The following PDE4DIP variants were observed in gnomAD, a reference collection of about 807,000 sequenced individuals.
PDE4DIP encodes the protein myomegalin.
Under a neutral mutation model 221.4 loss-of-function variants are expected in PDE4DIP, and 59 were observed. The ratio of observed to expected loss-of-function variants is 0.27; its 90% CI spans 0.22 to 0.33. PDE4DIP has a LOEUF of 0.33. Ranked by LOEUF, PDE4DIP falls within the 10% of genes least tolerant of loss-of-function variation. The probability of loss-of-function intolerance (pLI) is 1.00; values close to 1 mark genes in which losing one functional copy is unlikely to be tolerated. For missense variants in PDE4DIP, 1,036 were observed against 2,154.2 expected (o/e 0.48, Z 10.28); for synonymous variants, 404 against 815.9 (o/e 0.50, Z 8.60).
chr1:148,999,760 T>G (rs2065179778), intron 23 of PDE4DIP, among the ~76,000 whole-genome samples: 1 of 152,160 alleles, frequency 6.6e-6, no homozygotes, highest in African/African-American at 2.4e-5. Flanking sequence ...GCTATCCCTG[T>G]GGATTATTTT....
At chr1:148,960,151 T>A in intron 5 of PDE4DIP, among the ~76,000 whole-genome samples, 1 of 152,310 alleles carries the variant, frequency 6.6e-6, no homozygotes, top group Non-Finnish European at 1.5e-5. Flanking sequence ...AATTAGACAT[T>A]GATAAAATAC....
intron 1 of PDE4DIP, among the ~76,000 whole-genome samples, chr1:148,920,210 G>A (rs587676545): frequency 3.0e-3 from 438 of 144,618 alleles, no homozygotes; most frequent in South Asian, 0.011. Context: ...TTCGCTCACC[G>A]AAACCTCCGC....
intron 21 of PDE4DIP, chr1:148,984,281 A>C (rs587736528): frequency 6.6e-6 from 1 of 152,102 alleles, no homozygotes; most frequent in South Asian, 2.1e-4. Flanking sequence ...CTCTTCATTC[A>C]GTTGTGGACA....
rs1419668625 is a variant in PDE4DIP, at chr1:148,968,771, G to A, written c.1786-65G>A. On this transcript the variant is annotated intron_variant, in intron 13 of 43. Transcript: ENST00000369354. Reference sequence around the variant, plus strand: ...CTTCTTCTATGATAGATTCTTATAAGCCCTTTGATATTTAGCAGAGGCATT... The same window carrying A: ...CTTCTTCTATGATAGATTCTTATAAACCCTTTGATATTTAGCAGAGGCATT... The A allele has an allele frequency of 5.0e-6, 4 of 794,760 alleles. No homozygotes were observed. In the African/African-American group the frequency reaches 6.9e-5, roughly 14 times the overall value. The allele number at this position is 794,760 out of a possible 1,614,324, so 49.2% of individuals were successfully genotyped here. A position where few individuals can be genotyped will look rare whatever the true frequency, so the allele number is the denominator to read the frequency against.
chr1:149,031,127 CT>C, intron 43 of PDE4DIP: 1 of 405,574 alleles, frequency 2.5e-6, no homozygotes, highest in Admixed American at 6.5e-5. Flanking sequence ...CACTAATTCC[CT>C]TTTGTTTTTC....
chr1:148,857,359 CT>C (rs386368251), intron 1 of PDE4DIP, among the ~76,000 whole-genome samples: 29 of 52,514 alleles, frequency 5.5e-4, no homozygotes, highest in South Asian at 8.2e-4. Flanking sequence ...TAGCCCCTTT[CT>C]TTTTTTTTTT....
chr1:148,975,461 G>A (rs868936055), intron 17 of PDE4DIP, among the ~76,000 whole-genome samples: 40 of 150,604 alleles, frequency 2.7e-4, no homozygotes, highest in Middle Eastern at 6.8e-3. Context: ...TGGGAGTGGA[G>A]AATAGTCATG....
intron 40 of PDE4DIP, among the ~76,000 whole-genome samples, chr1:149,028,200 GAC>G (rs1180132938): frequency 1.3e-5 from 2 of 151,522 alleles, no homozygotes; most frequent in Non-Finnish European, 2.9e-5. Context: ...TAGAGGGCAA[GAC>G]ACACACCCAA....
At chr1:148,998,637 G>A (rs1271776588) in intron 23 of PDE4DIP, among the ~76,000 whole-genome samples, 2 of 148,982 alleles carry the variant, frequency 1.3e-5, no homozygotes, top group Non-Finnish European at 3.0e-5. Flanking sequence ...GACCAGTATT[G>A]CTGTTTTTAA....
At chr1:148,914,596 CAG>C (rs1553456765) in intron 1 of PDE4DIP, among the ~76,000 whole-genome samples, 1 of 146,578 alleles carries the variant, frequency 6.8e-6, no homozygotes. Context: ...CACTGCACTC[CAG>C]CCTGGGCAAC....
At chr1:148,887,077 G>A (rs1553431476), upstream of PDE4DIP, among the ~76,000 whole-genome samples, 1 of 149,930 alleles carries the variant, frequency 6.7e-6, no homozygotes, top group Non-Finnish European at 1.5e-5. Flanking sequence ...ATATCATGGA[G>A]GAAATAAGCA....
intron 1 of PDE4DIP, among the ~76,000 whole-genome samples, chr1:148,922,734 C>T (rs2045724530): frequency 6.7e-6 from 1 of 149,664 alleles, no homozygotes; most frequent in Non-Finnish European, 1.5e-5. Context: ...ACTACAGGTG[C>T]CCGCCACCAC....
At chr1:148,979,660 G>A (rs2060767120) in intron 19 of PDE4DIP, 77 bp from the exon 23 acceptor site, 1 of 1,316,946 alleles carries the variant, frequency 7.6e-7, no homozygotes, top group Non-Finnish European at 1.1e-6. Context: ...CATAGTACAT[G>A]CTAATGCATT....
chr1:148,997,842 C>T (rs1455019544), intron 22 of PDE4DIP, among the ~76,000 whole-genome samples: 5 of 152,272 alleles, frequency 3.3e-5, no homozygotes, highest in Admixed American at 1.3e-4. Flanking sequence ...ACCCTCCAGT[C>T]CTGTTTCAAC....
At chr1:148,963,953 T>G (rs1184528474) in intron 9 of PDE4DIP, among the ~76,000 whole-genome samples, 1 of 150,970 alleles carries the variant, frequency 6.6e-6, no homozygotes, top group Non-Finnish European at 1.5e-5. Flanking sequence ...AGAGACAGGG[T>G]TTCATCGTGT....
chr1:149,025,166 A>G (rs2074749510), intron 38 of PDE4DIP, among the ~76,000 whole-genome samples: 1 of 151,226 alleles, frequency 6.6e-6, no homozygotes, highest in Non-Finnish European at 1.5e-5. Context: ...ATTTCACATA[A>G]GAAAACTTAG....
At chr1:149,030,825 T>A (rs1553636504) in intron 43 of PDE4DIP, 3 of 976,084 alleles carry the variant, frequency 3.1e-6, no homozygotes, top group Non-Finnish European at 3.6e-6. Flanking sequence ...TGTTAATAAA[T>A]AACAACTGAA....
intron 14 of PDE4DIP, among the ~76,000 whole-genome samples, chr1:148,971,186 T>TA (rs1297510603): frequency 6.6e-6 from 1 of 151,804 alleles, no homozygotes; most frequent in Non-Finnish European, 1.5e-5. Context: ...GAGATTATCC[T>TA]AATCATGTGG....
At chr1:148,902,117 G>A (rs2040793476) in intron 1 of PDE4DIP, among the ~76,000 whole-genome samples, 2 of 48,134 alleles carry the variant, frequency 4.2e-5, no homozygotes, top group Non-Finnish European at 7.0e-5. Flanking sequence ...GAAGTACATT[G>A]GTTCGGTCTG....
Sources: allele counts gnomAD v4.1 joint callset (sites outside exome capture counted in the v4.1 genomes callset), GRCh38; gene constraint gnomAD v4.1.1; transcripts MANE v1.5; gene names NCBI Gene and HGNC (gene_info 2026-07-23, HGNC 2026-07-21).